Variants in MAN2A1 observed in about 807,000 individuals in gnomAD.
MAN2A1 encodes mannosidase alpha class 2A member 1, also known as alpha-mannosidase 2.
Under a neutral mutation model 142.6 loss-of-function variants are expected in MAN2A1, and 76 were observed. The ratio of observed to expected loss-of-function variants is 0.53; its 90% CI spans 0.44 to 0.65. MAN2A1 has a LOEUF of 0.65. Ranked by LOEUF, MAN2A1 falls within the 30% of genes least tolerant of loss-of-function variation. The pLI, the probability that MAN2A1 is intolerant of heterozygous loss-of-function variation, is 0.00. For synonymous variants in MAN2A1, 559 were observed against 473.2 expected, an observed-to-expected ratio of 1.18 and a Z score of -2.35; for missense variants, 1,311 against 1,365.1, an observed-to-expected ratio of 0.96 and a Z score of 0.62.
intron 1 of MAN2A1, among the ~76,000 whole-genome samples, chr5:109,693,600 G>A (rs1750733208): frequency 6.6e-6 from 1 of 151,924 alleles, no homozygotes; most frequent in African/African-American, 2.4e-5. Flanking sequence ...GAGAGCGGGG[G>A]TTTGTTCTTT....
intron 1 of MAN2A1, among the ~76,000 whole-genome samples, chr5:109,700,281 GTTTTTTT>G (rs5870385): frequency 7.6e-6 from 1 of 131,460 alleles, no homozygotes; most frequent in Non-Finnish European, 1.6e-5. Flanking sequence ...AGTTTTGCCG[GTTTTTTT>G]TTTTTTTTTT....
intron 1 of MAN2A1, 23 bp downstream of exon 1, chr5:109,690,575 C>T (rs746640436): frequency 5.1e-6 from 8 of 1,571,788 alleles, no homozygotes; most frequent in African/African-American, 1.4e-5. Context: ...GAAGGGGGCG[C>T]GGGGCTCCGA....
Position 109,845,006 on chromosome 5 carries a change from A to T in MAN2A1, c.2701-859A>T, listed in dbSNP as rs182218781. On this transcript the variant is annotated intron_variant, in intron 17 of 21. Transcript: ENST00000261483. Reference sequence around the variant, plus strand: ...GAGACATTGCAGGGTTGCTGGGAAGATTAAAGATCACATTTGTGAAATACT... The same window carrying T: ...GAGACATTGCAGGGTTGCTGGGAAGTTTAAAGATCACATTTGTGAAATACT... Among the ~76,000 whole-genome samples, 244 of 152,372 alleles carry T rather than the reference A, an allele frequency of 1.6e-3. 1 individual carries two copies. The highest frequency in any genetic ancestry group is 5.7e-3 in the African/African-American group (237 of 41,596).
chr5:109,806,411 A>G (rs1370255399), intron 12 of MAN2A1, among the ~76,000 whole-genome samples: 3 of 152,166 alleles, frequency 2.0e-5, no homozygotes, highest in Non-Finnish European at 4.4e-5. Flanking sequence ...AGCTGTTGGT[A>G]TTATTATCAT....
chr5:109,768,576 T>G (rs10041575), intron 6 of MAN2A1, among the ~76,000 whole-genome samples: 46,894 of 152,056 alleles, frequency 0.31, 7,668 homozygotes, highest in East Asian at 0.64. Context: ...AAGAAATATT[T>G]TGTTTATAAA....
intron 2 of MAN2A1, 81 bp downstream of exon 2, chr5:109,713,855 C>T: frequency 7.4e-7 from 1 of 1,354,740 alleles, no homozygotes; most frequent in Non-Finnish European, 1.0e-6. Flanking sequence ...TCTGTTCTGA[C>T]TTGGTAAGTT....
chr5:109,690,390 T>C lies in MAN2A1; in HGVS notation c.-28T>C, dbSNP rs1422720132. 1 of 1,613,540 alleles carries C rather than the reference T, an allele frequency of 6.2e-7. No individual in the cohort carries two copies. The highest frequency in any genetic ancestry group is 1.3e-5 in the African/African-American group (1 of 74,886). ...CGCTGTCTCCTTTGGCTGAGGAGAG[T>C]GTCCTGGCCCCGAGTCTATCGAGGA... On this transcript the variant is annotated 5_prime_UTR_variant, in exon 1 of 22. Transcript: ENST00000261483.
intron 19 of MAN2A1, among the ~76,000 whole-genome samples, chr5:109,851,672 A>G (rs1195637960): frequency 1.3e-5 from 2 of 152,106 alleles, no homozygotes; most frequent in East Asian, 3.9e-4. Context: ...TTATGGCAGC[A>G]GAAAATGGAC....
intron 1 of MAN2A1, among the ~76,000 whole-genome samples, chr5:109,708,664 CT>C (rs1751210283): frequency 6.6e-6 from 1 of 152,130 alleles, no homozygotes; most frequent in African/African-American, 2.4e-5. Context: ...AGGACTTAGT[CT>C]AAGTCTGAAG....
chr5:109,801,609 GC>G (rs1318970290), intron 12 of MAN2A1, among the ~76,000 whole-genome samples: 1 of 152,160 alleles, frequency 6.6e-6, no homozygotes, highest in African/African-American at 2.4e-5. Flanking sequence ...AGATCAAAAA[GC>G]AGCTACCAGA....
intron 3 of MAN2A1, among the ~76,000 whole-genome samples, chr5:109,717,016 C>T (rs1751474493): frequency 6.7e-6 from 1 of 149,448 alleles, no homozygotes; most frequent in African/African-American, 2.5e-5. Context: ...ATTTGATATA[C>T]ATATTTGTTG....
At chr5:109,776,355 A>G (rs1255118254) in intron 8 of MAN2A1, among the ~76,000 whole-genome samples, 1 of 152,140 alleles carries the variant, frequency 6.6e-6, no homozygotes, top group Non-Finnish European at 1.5e-5. Context: ...TTTTTATCAG[A>G]TTATGAACTC....
intron 12 of MAN2A1, among the ~76,000 whole-genome samples, chr5:109,792,016 CAT>C (rs1380121641): frequency 6.6e-6 from 1 of 152,064 alleles, no homozygotes; most frequent in Non-Finnish European, 1.5e-5. Flanking sequence ...TGAGCTATAT[CAT>C]GTGTGGATTC....
rs375153524 is a variant in MAN2A1 at position 109,868,359 on chromosome 5, G to A, written c.*1361G>A. ...CAGTGCTTTTAATAAAATTTATTTG[G>A]GATTATTGTTTCCTTAACATTAAAA... On this transcript the variant is annotated 3_prime_UTR_variant, in exon 22 of 22. Coordinates refer to ENST00000261483, the MANE Select transcript of MAN2A1 (RefSeq NM_002372.4). 2.7e-4 allele frequency: 41 copies of A among 152,200 alleles called. No individual in the cohort carries two copies. The South Asian group carries it at 8.5e-3, about 32-fold the overall frequency. 9.4% of individuals were successfully genotyped at this position (152,200 alleles called of 1,614,324 possible). A position where few individuals can be genotyped will look rare whatever the true frequency, so the allele number is the denominator to read the frequency against.
intron 16 of MAN2A1, among the ~76,000 whole-genome samples, chr5:109,834,994 A>G (rs950861692): frequency 2.6e-5 from 4 of 152,080 alleles, no homozygotes; most frequent in African/African-American, 9.7e-5. Context: ...AAATATGGTC[A>G]CGATAATATT....
intron 16 of MAN2A1, among the ~76,000 whole-genome samples, chr5:109,831,831 GTATT>G (rs1228200184): frequency 2.6e-5 from 4 of 151,544 alleles, no homozygotes; most frequent in Non-Finnish European, 4.4e-5. Context: ...GTGTGTGTGT[GTATT>G]TATGTATACA....
At chr5:109,851,202 C>T (rs1056056447) in intron 19 of MAN2A1, among the ~76,000 whole-genome samples, 1 of 152,220 alleles carries the variant, frequency 6.6e-6, no homozygotes, top group Admixed American at 6.5e-5. Context: ...TGGATGATAT[C>T]CACTGTGTAA....
chr5:109,822,366 G>A (rs938300253), intron 15 of MAN2A1, among the ~76,000 whole-genome samples: 5 of 151,910 alleles, frequency 3.3e-5, no homozygotes, highest in East Asian at 1.9e-4. Flanking sequence ...AATTTCATGC[G>A]TAGATACCAA....
At chr5:109,787,522 T>TA (rs1582897105) in intron 10 of MAN2A1, among the ~76,000 whole-genome samples, 1 of 152,062 alleles carries the variant, frequency 6.6e-6, no homozygotes, top group East Asian at 1.9e-4. Flanking sequence ...TTGTTTTGTT[T>TA]TAAGCAAAGC....
Sources: gnomAD v4.1 joint callset for allele counts (sites outside exome capture counted in the v4.1 genomes callset) on GRCh38, gnomAD v4.1.1 for gene constraint, MANE v1.5 for transcripts, NCBI Gene and HGNC (gene_info 2026-07-23, HGNC 2026-07-21) for gene names.